GPHN: variants seen among roughly 807,000 people sequenced by gnomAD.
The protein encoded by GPHN is gephyrin.
A neutral mutation model predicts 95.5 loss-of-function variants in GPHN; 17 were observed. That is an observed-to-expected ratio of 0.18 (90% CI 0.12 to 0.27). GPHN has a LOEUF of 0.27. Among genes scored for constraint, GPHN ranks in the 10% least tolerant of loss-of-function variants. The pLI is 1.00. For missense variants in GPHN, 660 were observed against 978.1 expected, an observed-to-expected ratio of 0.67 and a Z score of 4.34; for synonymous variants, 320 against 322.5, an observed-to-expected ratio of 0.99 and a Z score of 0.08.
chr14:67,301,001 C>T, the GPHN span, among the ~76,000 whole-genome samples: 1 of 152,078 alleles, frequency 6.6e-6, no homozygotes, highest in Non-Finnish European at 1.5e-5. Context: ...CTGACTATAA[C>T]TCTTTAAGTT....
chr14:67,044,643 T>TTTG (rs901970008), intron 10 of GPHN, among the ~76,000 whole-genome samples: 5 of 152,094 alleles, frequency 3.3e-5, no homozygotes, highest in South Asian at 2.1e-4. Flanking sequence ...TGCTGCTGCT[T>TTTG]TTGTTGTTGT....
At chr14:66,954,817 C>T (rs1158144436) in intron 8 of GPHN, among the ~76,000 whole-genome samples, 3 of 152,084 alleles carry the variant, frequency 2.0e-5, no homozygotes, top group Non-Finnish European at 4.4e-5. Context: ...AGTGTTTTAT[C>T]CTGAAAGCAT....
the GPHN span, chr14:67,656,492 T>A: frequency 3.8e-5 from 61 of 1,614,062 alleles, no homozygotes; most frequent in African/African-American, 7.1e-4. Context: ...CTGGTCAGTC[T>A]CTGTGGCAAT....
the GPHN span, among the ~76,000 whole-genome samples, chr14:67,429,011 T>C: frequency 6.6e-6 from 1 of 152,020 alleles, no homozygotes; most frequent in Non-Finnish European, 1.5e-5. Flanking sequence ...GATCACAGAG[T>C]TAGAAGGAAT....
At chr14:66,511,791 T>C (rs544123534) in intron 1 of GPHN, among the ~76,000 whole-genome samples, 10 of 152,150 alleles carry the variant, frequency 6.6e-5, no homozygotes, top group Non-Finnish European at 1.5e-4. Context: ...TATTAAGCAC[T>C]TGAAAATGAG....
intron 4 of GPHN, among the ~76,000 whole-genome samples, chr14:66,875,856 T>G (rs1434149365): frequency 4.0e-5 from 6 of 151,794 alleles, no homozygotes; most frequent in African/African-American, 1.5e-4. Flanking sequence ...AGACAGAAAA[T>G]TAACAAGGAT....
chr14:66,781,085 G>A lies in GPHN; in HGVS notation c.201+4564G>A, dbSNP rs563962307. 3.9e-5 allele frequency among the ~76,000 whole-genome samples: 6 copies of A among 152,092 alleles called. No individual in the cohort carries two copies. The East Asian group carries it at 7.7e-4, about 20-fold the overall frequency. On this transcript the variant is annotated intron_variant, in intron 3 of 22. Coordinates refer to ENST00000478722, the MANE Select transcript of GPHN (RefSeq NM_020806.5). ...AGTTCATAAATTTTTTCAATTACAC[G>A]TATATTTATTGATTGTAATAAATCA...
chr14:67,607,497 G>T, the GPHN span, among the ~76,000 whole-genome samples: 9 of 152,312 alleles, frequency 5.9e-5, no homozygotes, highest in African/African-American at 1.9e-4. Flanking sequence ...CTCCCAAGGA[G>T]CTAGGACTAC....
the GPHN span, among the ~76,000 whole-genome samples, chr14:67,363,098 A>G: frequency 1.3e-5 from 2 of 152,142 alleles, no homozygotes; most frequent in African/African-American, 4.8e-5. Context: ...ATGTCTTGCA[A>G]CTGTTCCATA....
At chr14:67,557,415 G>A in the GPHN span, 1 of 1,612,838 alleles carries the variant, frequency 6.2e-7, no homozygotes, top group Non-Finnish European at 8.5e-7. Flanking sequence ...AGCTGGAGAA[G>A]CAGGTAAGGG....
At chr14:67,411,838 C>T in the GPHN span, among the ~76,000 whole-genome samples, 1 of 152,262 alleles carries the variant, frequency 6.6e-6, no homozygotes, top group African/African-American at 2.4e-5. Context: ...CCGCTTACCC[C>T]GCGTCCCCTC....
At chr14:66,752,232 C>G (rs753508326) in intron 2 of GPHN, among the ~76,000 whole-genome samples, 3 of 152,102 alleles carry the variant, frequency 2.0e-5, no homozygotes, top group Non-Finnish European at 2.9e-5. Context: ...AAGGCTTTCT[C>G]TCTCTTGTCA....
At chr14:67,525,358 A>C in the GPHN span, among the ~76,000 whole-genome samples, 1 of 152,204 alleles carries the variant, frequency 6.6e-6, no homozygotes, top group African/African-American at 2.4e-5. Context: ...ATAATTCTTC[A>C]TCATACATTT....
At chr14:67,163,982 A>G (rs1283144096) in intron 19 of GPHN, among the ~76,000 whole-genome samples, 1 of 152,078 alleles carries the variant, frequency 6.6e-6, no homozygotes, top group Non-Finnish European at 1.5e-5. Flanking sequence ...ATTACTATTA[A>G]TTGTGGCTGG....
At chr14:67,145,564 C>G (rs918076862) in intron 18 of GPHN, among the ~76,000 whole-genome samples, 1 of 152,026 alleles carries the variant, frequency 6.6e-6, no homozygotes, top group African/African-American at 2.4e-5. Context: ...GCTAATTGTC[C>G]CTTCCTACCT....
intron 5 of GPHN, among the ~76,000 whole-genome samples, chr14:66,911,995 A>G (rs1419296224): frequency 1.3e-5 from 2 of 152,152 alleles, no homozygotes; most frequent in South Asian, 4.1e-4. Flanking sequence ...GCACCTCTCC[A>G]AACAACTTTC....
chr14:66,759,904 T>C (rs1362816556), intron 2 of GPHN, among the ~76,000 whole-genome samples: 1 of 152,216 alleles, frequency 6.6e-6, no homozygotes, highest in South Asian at 2.1e-4. Flanking sequence ...AACTTCTGAA[T>C]TATAGTTTTT....
the GPHN span, among the ~76,000 whole-genome samples, chr14:67,462,739 C>T: frequency 2.0e-5 from 3 of 152,226 alleles, no homozygotes; most frequent in Non-Finnish European, 4.4e-5. Flanking sequence ...AGCCAAACAC[C>T]TCCAAGGATC....
the GPHN span, chr14:67,374,432 G>A: frequency 2.1e-6 from 3 of 1,416,292 alleles, no homozygotes; most frequent in Admixed American, 1.8e-5. Flanking sequence ...AGTGGCATCT[G>A]GACAGAGATG....
Sources: gnomAD v4.1 joint callset for allele counts (sites outside exome capture counted in the v4.1 genomes callset) on GRCh38, gnomAD v4.1.1 for gene constraint, MANE v1.5 for transcripts, NCBI Gene and HGNC (gene_info 2026-07-23, HGNC 2026-07-21) for gene names.